FIGN: variants seen among roughly 807,000 people sequenced by gnomAD.
FIGN encodes the protein fidgetin, microtubule severing factor.
Under a neutral mutation model 51.3 loss-of-function variants are expected in FIGN, and 11 were observed. That is an observed-to-expected ratio of 0.21 (90% CI 0.13 to 0.35). The LOEUF (loss-of-function observed/expected upper bound fraction) is 0.35. Ranked by LOEUF, FIGN falls within the 10% of genes least tolerant of loss-of-function variation. The pLI is 1.00. For missense variants in FIGN, 857 were observed against 943.6 expected (o/e 0.91, Z 1.20); for synonymous variants, 407 against 363.2 (o/e 1.12, Z -1.37).
At chr2:163,671,782 TA>T (rs1336471343) in intron 2 of FIGN, among the ~76,000 whole-genome samples, 22 of 152,144 alleles carry the variant, frequency 1.4e-4, no homozygotes, top group Admixed American at 1.4e-3. Context: ...TGATTCACAT[TA>T]AAAAGCAGGG....
In FIGN at chr2:163,697,100, C is replaced by CTT. The variant is rs1258378034; in HGVS notation, c.25+37801_25+37802dup. Among the ~76,000 whole-genome samples, 454 of 108,390 alleles carry CTT rather than the reference C, an allele frequency of 4.2e-3. 28 individuals carry two copies. Among genetic ancestry groups the CTT allele is most frequent in the African/African-American group, 0.015 (404 of 26,904 alleles). The allele number at this position is 108,390 out of a possible 152,430, so 71.1% of individuals were successfully genotyped here. On this transcript the variant is annotated intron_variant, in intron 2 of 2. Transcript: ENST00000333129. Reference sequence around the variant, plus strand: ...GTCATAATTTTTTTTCTTTTCTTTTCTTTCTTTTTTTTTTTTTTTTGAGAC... The same window carrying CTT: ...GTCATAATTTTTTTTCTTTTCTTTTCTTTTTCTTTTTTTTTTTTTTTTGAGAC...
chr2:163,611,778 A>C lies in FIGN; in HGVS notation c.54T>G (p.His18Gln). The change falls in exon 3 of 3, where the codon CAT (histidine) becomes CAG (glutamine). Residue 18 changes from histidine (H) to glutamine (Q), a missense_variant. His to Gln is a conservative substitution (Grantham distance 24, BLOSUM62 0). This residue lies in a region of FIGN where 56 missense variants were observed against 75.3 expected (regional missense o/e 0.74). Coordinates refer to ENST00000333129, the MANE Select transcript of FIGN (RefSeq NM_018086.4). ...CAAAGTGCTGTTCTGGCCACTGGGC[A>C]TGCTCTGGCGTCCACTGCATCTTCA... ...YGLKMQWTPE[H>Q]AQWPEQHFDI... is the part of the protein sequence containing the mutation. The C allele has an allele frequency of 6.2e-7, 1 of 1,608,808 alleles. No homozygotes were observed. The highest frequency in any genetic ancestry group is 8.5e-7 in the Non-Finnish European group (1 of 1,175,474).
intron 2 of FIGN, among the ~76,000 whole-genome samples, chr2:163,710,206 T>C (rs1684565985): frequency 6.6e-6 from 1 of 152,194 alleles, no homozygotes; most frequent in Non-Finnish European, 1.5e-5. Flanking sequence ...GTCAATGAGC[T>C]ACTTCCTTTA....
chr2:163,698,134 C>T (rs978854061), intron 2 of FIGN, among the ~76,000 whole-genome samples: 1 of 152,120 alleles, frequency 6.6e-6, no homozygotes, highest in African/African-American at 2.4e-5. Context: ...ATTTAACCTC[C>T]TGGAGGCTCA....
rs559843179 is a variant in FIGN at position 163,680,870 on chromosome 2, C to G, written c.25+54033G>C. On this transcript the variant is annotated intron_variant, in intron 2 of 2. Transcript: ENST00000333129. ...CCCTAACAGAAAGAAAAAAAAAATG[C>G]CTTATTAGTTCTGGTATCCTTATCA... Among the ~76,000 whole-genome samples, 59 of 152,122 alleles carry G rather than the reference C, an allele frequency of 3.9e-4. No homozygotes were observed. The South Asian group carries it at 8.7e-3, about 22-fold the overall frequency.
At chr2:163,654,976 T>C (rs556274900) in intron 2 of FIGN, among the ~76,000 whole-genome samples, 2 of 152,298 alleles carry the variant, frequency 1.3e-5, no homozygotes, top group Admixed American at 1.3e-4. Context: ...GATGGGAAGT[T>C]GAAGCAAGGT....
At position 163,611,511 on chromosome 2, in the gene FIGN, T is replaced by C. The variant is rs201705018; in HGVS notation, c.321A>G (p.Glu107=). 6.2e-7 allele frequency: 1 copy of C among 1,614,152 alleles called. No individual in the cohort carries two copies. The highest frequency in any genetic ancestry group is 2.2e-5 in the East Asian group (1 of 44,860). ...CTGAATTCAAGGAAGGCTGCCAGGG[T>C]TCACTTTCATTTTTCCGACCGTTCA... ...GLVNGRKNES[E]PWQPSLNSEA... is the part of the protein sequence containing the mutation. The change falls in exon 3 of 3, where the codon GAA becomes GAG. Residue 107 remains glutamate, a synonymous_variant. Coordinates refer to ENST00000333129, the MANE Select transcript of FIGN (RefSeq NM_018086.4).
intron 2 of FIGN, among the ~76,000 whole-genome samples, chr2:163,672,251 T>TA (rs200826431): frequency 0.28 from 40,573 of 143,422 alleles, 6,362 homozygotes; most frequent in African/African-American, 0.45. Context: ...TCAATGGCTC[T>TA]AAAAAAAAAA....
At chr2:163,624,906 T>C (rs1363396177) in intron 2 of FIGN, among the ~76,000 whole-genome samples, 1 of 151,940 alleles carries the variant, frequency 6.6e-6, no homozygotes, top group African/African-American at 2.4e-5. Flanking sequence ...TTCCTAGCGC[T>C]GAATAGATTT....
At chr2:163,624,710 T>TATATATA (rs57025851) in intron 2 of FIGN, among the ~76,000 whole-genome samples, 2 of 117,784 alleles carry the variant, frequency 1.7e-5, no homozygotes, top group South Asian at 2.5e-4. Context: ...ATATATATAT[T>TATATATA]TTTTTTTTTC....
intron 2 of FIGN, among the ~76,000 whole-genome samples, chr2:163,649,300 A>G (rs144913946): frequency 6.6e-6 from 1 of 152,316 alleles, no homozygotes; most frequent in East Asian, 1.9e-4. Context: ...AGTGTGTCTG[A>G]GTCAGACCCT....
chr2:163,684,372 T>A (rs1345141103), intron 2 of FIGN, among the ~76,000 whole-genome samples: 1 of 152,230 alleles, frequency 6.6e-6, no homozygotes, highest in Non-Finnish European at 1.5e-5. Context: ...TTTGCATTTT[T>A]AAAATCCTCT....
chr2:163,610,678 G>C lies in FIGN; in HGVS notation c.1154C>G (p.Ser385Cys). 1 of 1,614,228 alleles carries C rather than the reference G, an allele frequency of 6.2e-7. No homozygotes were observed. Among genetic ancestry groups the C allele is most frequent in the Non-Finnish European group, 8.5e-7 (1 of 1,180,036 alleles). ...AFKPTKQLMSSEQQRKFSSQS... is the reference protein window; with the variant it reads ...AFKPTKQLMSCEQQRKFSSQS... ...GCTGCTGAATTTCCTTTGCTGTTCA[G>C]AGGACATTAGCTGCTTCGTTGGCTT... is the stretch of plus-strand genomic sequence containing the variant. The change falls in exon 3 of 3, where the codon TCT becomes TGT. Residue 385 changes from serine to cysteine, a missense_variant. Physicochemically the swap from Ser to Cys is moderately radical, Grantham distance 112. Coordinates refer to ENST00000333129, the MANE Select transcript of FIGN (RefSeq NM_018086.4).
At chr2:163,678,316 G>A (rs1464810361) in intron 2 of FIGN, among the ~76,000 whole-genome samples, 2 of 152,016 alleles carry the variant, frequency 1.3e-5, no homozygotes, top group African/African-American at 2.4e-5. Flanking sequence ...CACCTCCCAC[G>A]TTCAACTGAT....
intron 2 of FIGN, among the ~76,000 whole-genome samples, chr2:163,734,428 AG>A (rs1684981930): frequency 6.6e-6 from 1 of 152,034 alleles, no homozygotes; most frequent in Admixed American, 6.6e-5. Flanking sequence ...CTGCATTAAT[AG>A]ATTGAGAAAA....
At chr2:163,667,316 T>A (rs1219603628) in intron 2 of FIGN, among the ~76,000 whole-genome samples, 1 of 143,004 alleles carries the variant, frequency 7.0e-6, no homozygotes, top group Non-Finnish European at 1.5e-5. Flanking sequence ...TTCTTCTGAA[T>A]CCCTTTTCCA....
intron 2 of FIGN, among the ~76,000 whole-genome samples, chr2:163,734,351 A>C (rs1356399471): frequency 6.6e-6 from 1 of 150,388 alleles, no homozygotes; most frequent in African/African-American, 2.5e-5. Context: ...GCCCCCCCCA[A>C]AAAAAAACCA....
At chr2:163,628,960 T>C (rs539398111) in intron 2 of FIGN, among the ~76,000 whole-genome samples, 1 of 152,202 alleles carries the variant, frequency 6.6e-6, no homozygotes, top group South Asian at 2.1e-4. Flanking sequence ...TTGCTACAAT[T>C]TGTCTCTCCT....
In FIGN at chr2:163,713,636, C is replaced by A. The variant is rs192419654; in HGVS notation, c.25+21267G>T. ...ATGTACCATTTTCTTCTCCTCCTTG[C>A]CAAGATATTTGAAAGATTATCCCAA... On this transcript the variant is annotated intron_variant, in intron 2 of 2. Transcript: ENST00000333129. 2.2e-3 allele frequency among the ~76,000 whole-genome samples: 332 copies of A among 152,206 alleles called. 1 individual carries two copies. The highest frequency in any genetic ancestry group is 7.5e-3 in the African/African-American group (310 of 41,524).
Sources: allele counts gnomAD v4.1 joint callset (sites outside exome capture counted in the v4.1 genomes callset), GRCh38; gene constraint gnomAD v4.1.1; regional missense constraint gnomAD v4.1.1; transcripts MANE v1.5; gene names NCBI Gene and HGNC (gene_info 2026-07-23, HGNC 2026-07-21).